Variants in TSC22D4 observed in about 807,000 individuals in gnomAD.
TSC22D4 encodes the protein TSC22 domain family member 4, also known as TSC22 domain family protein 4.
A neutral mutation model predicts 24.9 loss-of-function variants in TSC22D4; 5 were observed. That is an observed-to-expected ratio of 0.20 (90% CI 0.10 to 0.42). The LOEUF (loss-of-function observed/expected upper bound fraction) is 0.42. Ranked by LOEUF, TSC22D4 falls within the 10% of genes least tolerant of loss-of-function variation. The pLI is 1.00. For synonymous variants in TSC22D4, 245 were observed against 243.2 expected (o/e 1.01, Z -0.07); for missense variants, 469 against 547.9 (o/e 0.86, Z 1.44).
At chr7:100,470,841 G>A (rs1419562339) in intron 3 of TSC22D4, among the ~76,000 whole-genome samples, 1 of 152,166 alleles carries the variant, frequency 6.6e-6, no homozygotes, top group Non-Finnish European at 1.5e-5. Context: ...GCCATCTTCT[G>A]GAAAACTGTC....
intron 3 of TSC22D4, among the ~76,000 whole-genome samples, chr7:100,468,891 C>T (rs1799340432): frequency 6.6e-6 from 1 of 150,572 alleles, no homozygotes; most frequent in South Asian, 2.1e-4. Context: ...GAGCCGAGAT[C>T]GTGCTACTGC....
In TSC22D4 at chr7:100,477,962, C is replaced by T; in HGVS notation, c.77G>A (p.Gly26Glu). Residue 26 changes from glycine (G) to glutamate (E), a missense_variant, in exon 2 of 5, where the codon GGG becomes GAG. Physicochemically the swap from Gly to Glu is moderately conservative, Grantham distance 98. Transcript: ENST00000300181. This position sits in a 1 kb window ranked among gnomAD's most constrained non-coding sequence, Gnocchi z 7.8. ...CTGTGGGGTAGGGGGATCCGAAGCC[C>T]CTGGGCTCCCAGGGCCCTCATAGTC... is the stretch of plus-strand genomic sequence containing the variant. ...TTDYEGPGSP[G>E]ASDPPTPQPP... The T allele has an allele frequency of 6.4e-7, 1 of 1,568,756 alleles. No individual in the cohort carries two copies. The highest frequency in any genetic ancestry group is 2.3e-4 in the Middle Eastern group (1 of 4,398).
At chr7:100,467,820 A>T (rs7811142) in intron 3 of TSC22D4, 121,409 of 697,362 alleles carry the variant, frequency 0.17, 11,550 homozygotes, top group Middle Eastern at 0.21. Context: ...TGGGGGATGC[A>T]CCCCGGGGAG....
At chr7:100,478,350 AGTGTGTGTGTGTGTGTGTGT>A (rs35439211) in intron 1 of TSC22D4, 43 bp from the exon 2 acceptor site, 13 of 83,742 alleles carry the variant, frequency 1.6e-4, no homozygotes, top group African/African-American at 6.0e-4. Flanking sequence ...AGAGAGAGAG[AGTGTGTGTGTGTGTGTGTGT>A]GTGTGTGTGT....
At chr7:100,473,036 G>T (rs540003087) in intron 3 of TSC22D4, among the ~76,000 whole-genome samples, 93 of 152,220 alleles carry the variant, frequency 6.1e-4, no homozygotes, top group African/African-American at 2.2e-3. Context: ...CAGCCCTTCT[G>T]CCCGGTTCCT....
chr7:100,468,025 C>T (rs1198017451), intron 3 of TSC22D4: 10 of 455,624 alleles, frequency 2.2e-5, no homozygotes, highest in African/African-American at 1.2e-4. Flanking sequence ...CAGAGCCCCC[C>T]GGGCAGAGCA....
chr7:100,470,660 G>C (rs1799374462), intron 3 of TSC22D4, among the ~76,000 whole-genome samples: 1 of 152,134 alleles, frequency 6.6e-6, no homozygotes, highest in Non-Finnish European at 1.5e-5. Context: ...GGCAATGCAG[G>C]CCCTTCCCTT....
At chr7:100,470,685 G>C (rs923868201) in intron 3 of TSC22D4, among the ~76,000 whole-genome samples, 5 of 152,130 alleles carry the variant, frequency 3.3e-5, no homozygotes, top group Non-Finnish European at 7.4e-5. Context: ...ACCCCAAAGC[G>C]AGGGGTTGTG....
Position 100,478,307 on chromosome 7 carries a change from A to T in TSC22D4, c.-269T>A. 2.6e-6 allele frequency: 1 copy of T among 389,966 alleles called. No individual in the cohort carries two copies. The allele number at this position is 389,966 out of a possible 1,614,324, so 24.2% of individuals were successfully genotyped here. On this transcript the variant is annotated splice_region_variant and 5_prime_UTR_variant, in exon 2 of 5. Coordinates refer to ENST00000300181, the MANE Select transcript of TSC22D4 (RefSeq NM_030935.5). The stretch of plus-strand genomic sequence containing the variant: ...CTGAACTCCAGAGCTGAGTTTGCAA[A>T]CTGGAAAAAGAGGGGGAGAGAGAGA...
In TSC22D4 at chr7:100,467,038, C is replaced by T. The variant is rs1424696837; in HGVS notation, c.1109G>A (p.Ser370Asn). 6.2e-7 allele frequency: 1 copy of T among 1,613,238 alleles called. No homozygotes were observed. The highest frequency in any genetic ancestry group is 2.2e-5 in the East Asian group (1 of 44,870). The change falls in exon 5 of 5, where the codon AGC becomes AAC. Residue 370 changes from serine (S) to asparagine (N), a missense_variant. Transcript: ENST00000300181. ...QENGLLRALA[S>N]PEQLAQLPSS... ...GGGCAGCTGAGCCAGCTGCTCCGGG[C>T]TGGCCAGGGCGCGCAGCAGCCCATT...
At position 100,477,184 on chromosome 7, in the gene TSC22D4, A is replaced by C; in HGVS notation, c.762+93T>G. The C allele has an allele frequency of 9.5e-7, 1 of 1,056,826 alleles. No individual in the cohort carries two copies. The highest frequency in any genetic ancestry group is 1.3e-6 in the Non-Finnish European group (1 of 785,000). The allele number at this position is 1,056,826 out of a possible 1,614,324, so 65.5% of individuals were successfully genotyped here. On this transcript the variant is annotated intron_variant, in intron 2 of 4. Coordinates refer to ENST00000300181, the MANE Select transcript of TSC22D4 (RefSeq NM_030935.5). This position sits in a 1 kb window ranked among gnomAD's most constrained non-coding sequence, Gnocchi z 7.8. ...TATCTGATCTTATAAAGTGATGGAG[A>C]AGGAGGAGGAGAGGGGGGGGAGGAG...
At position 100,471,743 on chromosome 7, in the gene TSC22D4, A is replaced by G. The variant is rs566056656; in HGVS notation, c.929+2531T>C. ...AAACAGAGCAAGACTCCATCTAAAA[A>G]AGAAAAAAACAAAAACAAAACAAAA... On this transcript the variant is annotated intron_variant, in intron 3 of 4. Coordinates refer to ENST00000300181, the MANE Select transcript of TSC22D4 (RefSeq NM_030935.5). Among the ~76,000 whole-genome samples the G allele has an allele frequency of 1.3e-5, 2 of 152,218 alleles. 1 individual carries two copies. Among genetic ancestry groups the G allele is most frequent in the South Asian group, 4.1e-4 (2 of 4,820 alleles).
intron 4 of TSC22D4, 38 bp from the exon 5 acceptor site, chr7:100,467,206 G>A (rs1164284110): frequency 6.2e-7 from 1 of 1,600,622 alleles, no homozygotes; most frequent in Non-Finnish European, 8.6e-7. Flanking sequence ...CAACGGGGTG[G>A]GTGCCTCATC....
chr7:100,471,231 GA>G (rs1707811444), intron 3 of TSC22D4, among the ~76,000 whole-genome samples: 1 of 149,570 alleles, frequency 6.7e-6, no homozygotes. Context: ...GGAGGTCGGG[GA>G]GGGGGAAGGG....
rs1013350224 is a variant in TSC22D4 at position 100,477,034 on chromosome 7, A to G, written c.762+243T>C. On this transcript the variant is annotated intron_variant, in intron 2 of 4. Coordinates refer to ENST00000300181, the MANE Select transcript of TSC22D4 (RefSeq NM_030935.5). The surrounding 1 kb of genome is among the most constrained non-coding windows in gnomAD (Gnocchi z 7.8). ...ATATGCTACAGGCTACATGAAGACCAAGACAGAGAATCAGAGGCCAGGGAG... is the reference window on the plus strand; with the variant it reads ...ATATGCTACAGGCTACATGAAGACCGAGACAGAGAATCAGAGGCCAGGGAG... 2.0e-5 allele frequency among the ~76,000 whole-genome samples: 3 copies of G among 152,266 alleles called. No homozygotes were observed. The East Asian group carries it at 5.8e-4, about 29-fold the overall frequency.
intron 3 of TSC22D4, among the ~76,000 whole-genome samples, chr7:100,473,064 A>G (rs1311348771): frequency 6.6e-6 from 1 of 152,168 alleles, no homozygotes; most frequent in Non-Finnish European, 1.5e-5. Flanking sequence ...CCCGGGGAGA[A>G]GCAGGCAGCC....
chr7:100,468,120 C>T (rs1055753289), intron 3 of TSC22D4: 5 of 346,786 alleles, frequency 1.4e-5, no homozygotes, highest in Middle Eastern at 8.7e-4. Context: ...CCCCCAAGGG[C>T]AAGGCCTGGC....
In TSC22D4 at chr7:100,477,349, A is replaced by T; in HGVS notation, c.690T>A (p.Pro230=). The change falls in exon 2 of 5, where the codon CCT becomes CCA. Residue 230 remains proline (P), a synonymous_variant. Transcript: ENST00000300181. The surrounding 1 kb of genome is among the most constrained non-coding windows in gnomAD (Gnocchi z 7.8). ...AEAGGSGART[P]PLSRRKAVDM... is the part of the protein sequence containing the mutation. ...CTACAGCTTTCCTCCGGGACAGTGG[A>T]GGGGTCCTGGCCCCTGAGCCCCCAG... 6.4e-7 allele frequency: 1 copy of T among 1,563,874 alleles called. No individual in the cohort carries two copies. The highest frequency in any genetic ancestry group is 8.6e-7 in the Non-Finnish European group (1 of 1,156,880).
At position 100,474,393 on chromosome 7, in the gene TSC22D4, G is replaced by C. The variant is rs374979791; in HGVS notation, c.810C>G (p.Thr270=). 3.7e-6 allele frequency: 6 copies of C among 1,614,042 alleles called. No homozygotes were observed. The African/African-American group carries it at 8.0e-5, about 22-fold the overall frequency. Residue 270 remains threonine, a synonymous_variant, in exon 3 of 5, where the codon ACC becomes ACG. Transcript: ENST00000300181. This position sits in a 1 kb window ranked among gnomAD's most constrained non-coding sequence, Gnocchi z 4.3. ...ATTTGTGAACCAGGCTGGCATCGTG[G>C]GTGAAGTAGAGGGCTGGGGAGCTGG... ...SRPSSPALYF[T]HDASLVHKSP... is the part of the protein sequence containing the mutation.
Sources: gnomAD v4.1 joint callset for allele counts (sites outside exome capture counted in the v4.1 genomes callset) on GRCh38, gnomAD v4.1.1 for gene constraint, Gnocchi (gnomAD v3.1) non-coding constraint, MANE v1.5 for transcripts, NCBI Gene and HGNC (gene_info 2026-07-23, HGNC 2026-07-21) for gene names.